The following MAPK8 variants were observed in gnomAD, a reference collection of about 807,000 sequenced individuals.
MAPK8 encodes mitogen-activated protein kinase 8, also known as JUN N-terminal kinase.
Under a neutral mutation model 52.9 loss-of-function variants are expected in MAPK8, and 13 were observed. The ratio of observed to expected loss-of-function variants is 0.25; its 90% CI spans 0.16 to 0.39. The LOEUF (loss-of-function observed/expected upper bound fraction) is 0.39. Among genes scored for constraint, MAPK8 ranks in the 10% least tolerant of loss-of-function variants. The pLI is 1.00. For missense variants in MAPK8, 300 were observed against 519.2 expected (o/e 0.58, Z 4.10); for synonymous variants, 191 against 169.8 (o/e 1.12, Z -0.97).
At chr10:48,414,455 T>TC in intron 5 of MAPK8, among the ~76,000 whole-genome samples, 1 of 151,084 alleles carries the variant, frequency 6.6e-6, no homozygotes, top group Middle Eastern at 3.4e-3. Flanking sequence ...AGGATTTTTT[T>TC]TTTTTTTTTT....
chr10:48,433,176 C>A (rs577006123), intron 11 of MAPK8, among the ~76,000 whole-genome samples: 3 of 152,222 alleles, frequency 2.0e-5, no homozygotes, highest in Admixed American at 2.0e-4. Flanking sequence ...TACTGTATTG[C>A]TTTAAAGAGA....
At chr10:48,356,454 C>T (rs1846950318) in intron 1 of MAPK8, among the ~76,000 whole-genome samples, 1 of 152,130 alleles carries the variant, frequency 6.6e-6, no homozygotes, top group Non-Finnish European at 1.5e-5. Flanking sequence ...TAGAAAACAA[C>T]GTGATGGATA....
At chr10:48,322,334 GA>G (rs1238421439) in intron 1 of MAPK8, among the ~76,000 whole-genome samples, 1 of 150,634 alleles carries the variant, frequency 6.6e-6, no homozygotes, top group Non-Finnish European at 1.5e-5. Context: ...AAACTTTTTT[GA>G]ATATATTAAG....
At chr10:48,320,645 ATAGT>A (rs1564476119) in intron 1 of MAPK8, among the ~76,000 whole-genome samples, 1 of 152,182 alleles carries the variant, frequency 6.6e-6, no homozygotes, top group Non-Finnish European at 1.5e-5. Flanking sequence ...CTTTTTGGCT[ATAGT>A]AAGTAATATA....
intron 1 of MAPK8, among the ~76,000 whole-genome samples, chr10:48,381,839 A>G (rs560756537): frequency 1.6e-4 from 25 of 152,322 alleles, no homozygotes; most frequent in African/African-American, 6.0e-4. Flanking sequence ...AAACTACTGA[A>G]AAGAATTTTG....
chr10:48,393,604 G>T (rs1253156531), intron 1 of MAPK8, among the ~76,000 whole-genome samples: 1 of 152,044 alleles, frequency 6.6e-6, no homozygotes, highest in East Asian at 1.9e-4. Context: ...TATTAAAATA[G>T]TATTTACAAA....
At chr10:48,337,394 A>AG (rs1320037936) in intron 1 of MAPK8, among the ~76,000 whole-genome samples, 18 of 45,684 alleles carry the variant, frequency 3.9e-4, no homozygotes, top group African/African-American at 3.8e-3. Flanking sequence ...GCAGAAATAC[A>AG]ATTTTTTTTG....
chr10:48,366,375 G>A (rs1440041353), intron 1 of MAPK8, among the ~76,000 whole-genome samples: 2 of 152,156 alleles, frequency 1.3e-5, no homozygotes, highest in African/African-American at 4.8e-5. Flanking sequence ...CAACTGGTGA[G>A]CTGTTCTAAT....
chr10:48,377,170 AAC>A (rs2040717804), intron 1 of MAPK8, among the ~76,000 whole-genome samples: 1 of 152,164 alleles, frequency 6.6e-6, no homozygotes. Flanking sequence ...GAACAATGGG[AAC>A]ACATGGACAC....
chr10:48,308,405 C>G (rs1841611923), intron 1 of MAPK8: 1 of 152,218 alleles, frequency 6.6e-6, no homozygotes, highest in African/African-American at 2.4e-5. Context: ...CTTCATGCAA[C>G]TGTCGCATCA....
At chr10:48,393,091 C>T in intron 1 of MAPK8, among the ~76,000 whole-genome samples, 1 of 152,068 alleles carries the variant, frequency 6.6e-6, no homozygotes, top group Non-Finnish European at 1.5e-5. Flanking sequence ...TCCAGTTGCT[C>T]ATTAAATGTG....
At chr10:48,342,170 C>T (rs1000328345) in intron 1 of MAPK8, among the ~76,000 whole-genome samples, 8 of 152,200 alleles carry the variant, frequency 5.3e-5, no homozygotes, top group African/African-American at 1.9e-4. Context: ...GTGGCGCTGT[C>T]ACGGCTGATC....
intron 7 of MAPK8, chr10:48,424,502 T>C: frequency 6.4e-7 from 1 of 1,557,476 alleles, no homozygotes; most frequent in South Asian, 1.2e-5. Flanking sequence ...TGTCATTGCA[T>C]TTTGTTTTCA....
chr10:48,409,570 G>A (rs2042640375), intron 3 of MAPK8, among the ~76,000 whole-genome samples: 1 of 152,118 alleles, frequency 6.6e-6, no homozygotes, highest in Non-Finnish European at 1.5e-5. Flanking sequence ...ACTGGTAGAA[G>A]GGATTTAAGA....
At chr10:48,330,471 A>G (rs1844019774) in intron 1 of MAPK8, among the ~76,000 whole-genome samples, 1 of 152,218 alleles carries the variant, frequency 6.6e-6, no homozygotes, top group African/African-American at 2.4e-5. Flanking sequence ...GAAGCAAATG[A>G]GAGAACCCAG....
chr10:48,383,962 G>T (rs1257443210), intron 1 of MAPK8, among the ~76,000 whole-genome samples: 1 of 152,192 alleles, frequency 6.6e-6, no homozygotes, highest in Admixed American at 6.5e-5. Context: ...AGCCAGTTAA[G>T]ACAAGATGGC....
At chr10:48,400,624 T>A (rs1182972859) in intron 1 of MAPK8, among the ~76,000 whole-genome samples, 1 of 152,228 alleles carries the variant, frequency 6.6e-6, no homozygotes, top group Non-Finnish European at 1.5e-5. Context: ...AGGCAATTAA[T>A]ATCTGCTGAA....
intron 3 of MAPK8, among the ~76,000 whole-genome samples, chr10:48,405,754 G>A (rs11101314): frequency 0.052 from 7,949 of 152,242 alleles, 334 homozygotes; most frequent in African/African-American, 0.12. Flanking sequence ...AAGACATTTC[G>A]TAGTGTTTGT....
At chr10:48,382,956 A>G (rs937235353) in intron 1 of MAPK8, among the ~76,000 whole-genome samples, 2 of 147,756 alleles carry the variant, frequency 1.4e-5, no homozygotes, top group Admixed American at 6.8e-5. Context: ...ATATATGTAT[A>G]TATATATAGA....
Sources: allele counts gnomAD v4.1 joint callset (sites outside exome capture counted in the v4.1 genomes callset), GRCh38; gene constraint gnomAD v4.1.1; transcripts MANE v1.5; gene names NCBI Gene and HGNC (gene_info 2026-07-23, HGNC 2026-07-21).